Variants in ZNF451 observed in about 807,000 individuals in gnomAD.
The protein encoded by ZNF451 is zinc finger protein 451, also known as E3 SUMO-protein ligase ZNF451.
A neutral mutation model predicts 107.1 loss-of-function variants in ZNF451; 80 were observed. The observed-to-expected ratio is 0.75, with a 90% CI of 0.62 to 0.90. ZNF451 has a LOEUF of 0.90. Among genes scored for constraint, ZNF451 ranks in the 40% least tolerant of loss-of-function variants. The probability of loss-of-function intolerance (pLI) is 0.00; values close to 1 mark genes in which losing one functional copy is unlikely to be tolerated. For missense variants in ZNF451, 1,107 were observed against 1,236.2 expected (o/e 0.90, Z 1.57); for synonymous variants, 362 against 406.5 (o/e 0.89, Z 1.32).
intron 13 of ZNF451, among the ~76,000 whole-genome samples, chr6:57,156,579 C>A (rs1763433790): frequency 6.6e-6 from 1 of 152,106 alleles, no homozygotes; most frequent in Non-Finnish European, 1.5e-5. Context: ...GGTCACTGGA[C>A]CTTTTTGAGA....
chr6:57,141,866 G>A, intron 8 of ZNF451, 82 bp from the exon 9 acceptor site: 1 of 1,235,086 alleles, frequency 8.1e-7, no homozygotes, highest in Non-Finnish European at 1.1e-6. Flanking sequence ...TCCAACTAAT[G>A]TTGAGAAGGG....
intron 2 of ZNF451, among the ~76,000 whole-genome samples, chr6:57,096,327 G>A (rs1829310308): frequency 1.3e-5 from 2 of 151,430 alleles, no homozygotes; most frequent in East Asian, 1.9e-4. Context: ...TGGAATTAGA[G>A]GCGCCCACCA....
At chr6:57,159,446 C>T in intron 13 of ZNF451, 1 of 965,670 alleles carries the variant, frequency 1.0e-6, no homozygotes, top group South Asian at 4.8e-5. Flanking sequence ...AACCTGTGGC[C>T]CACGGGCCAC....
At chr6:57,153,592 T>A (rs969299789) in intron 12 of ZNF451, among the ~76,000 whole-genome samples, 5 of 151,996 alleles carry the variant, frequency 3.3e-5, no homozygotes, top group Admixed American at 6.6e-5. Context: ...TTGCATTTTT[T>A]AATAGAGACC....
chr6:57,123,762 A>G (rs1190967679), intron 3 of ZNF451, among the ~76,000 whole-genome samples: 1 of 152,152 alleles, frequency 6.6e-6, no homozygotes, highest in Non-Finnish European at 1.5e-5. Flanking sequence ...ATACCTAAGT[A>G]TTTCATCTGG....
chr6:57,099,497 C>T (rs1165634156), intron 3 of ZNF451: 2 of 716,838 alleles, frequency 2.8e-6, no homozygotes, highest in Admixed American at 4.0e-5. Flanking sequence ...TTCTTTTGTT[C>T]CAGAACCACA....
At chr6:57,135,030 G>A (rs1239766323) in intron 7 of ZNF451, among the ~76,000 whole-genome samples, 160 bp downstream of exon 7, 1 of 152,146 alleles carries the variant, frequency 6.6e-6, no homozygotes, top group Non-Finnish European at 1.5e-5. Context: ...GGGCCATTTA[G>A]TTATTATAGG....
chr6:57,123,951 A>G (rs1830772137), intron 3 of ZNF451, among the ~76,000 whole-genome samples: 1 of 152,194 alleles, frequency 6.6e-6, no homozygotes, highest in Non-Finnish European at 1.5e-5. Flanking sequence ...GGATGCAAAC[A>G]AAGAGTTTTA....
At chr6:57,160,862 C>A in intron 13 of ZNF451, 1 of 392,856 alleles carries the variant, frequency 2.5e-6, no homozygotes. Flanking sequence ...GTGTTATCTC[C>A]ATAGAGATGA....
At chr6:57,140,923 T>G (rs529136320) in intron 7 of ZNF451, among the ~76,000 whole-genome samples, 3 of 152,312 alleles carry the variant, frequency 2.0e-5, no homozygotes, top group South Asian at 2.1e-4. Flanking sequence ...TGTGGAAGAA[T>G]AATAATGCAG....
At chr6:57,104,261 A>G (rs992067515) in intron 3 of ZNF451, 1 of 985,378 alleles carries the variant, frequency 1.0e-6, no homozygotes, top group Non-Finnish European at 1.2e-6. Context: ...TATTGCACCA[A>G]TCAAGCAATC....
intron 14 of ZNF451, among the ~76,000 whole-genome samples, chr6:57,167,172 C>CAT (rs1763935243): frequency 6.6e-6 from 1 of 150,408 alleles, no homozygotes; most frequent in African/African-American, 2.5e-5. Flanking sequence ...GTTGTGATTT[C>CAT]GTATATATAT....
intron 2 of ZNF451, among the ~76,000 whole-genome samples, chr6:57,097,343 A>G (rs980575449): frequency 3.3e-5 from 5 of 152,194 alleles, no homozygotes; most frequent in Non-Finnish European, 5.9e-5. Flanking sequence ...CTGGATGCCT[A>G]TTCTAGGGAA....
At chr6:57,140,336 C>T (rs1388924130) in intron 7 of ZNF451, among the ~76,000 whole-genome samples, 2 of 152,074 alleles carry the variant, frequency 1.3e-5, no homozygotes, top group Admixed American at 6.5e-5. Flanking sequence ...AAGGCCAAGG[C>T]GGGTGGATCA....
At chr6:57,144,441 A>T (rs371525507) in intron 9 of ZNF451, among the ~76,000 whole-genome samples, 1 of 151,648 alleles carries the variant, frequency 6.6e-6, no homozygotes, top group African/African-American at 2.4e-5. Flanking sequence ...GGGTTTCACC[A>T]TGTTGGCCAG....
At chr6:57,101,814 C>T (rs1191610225) in intron 3 of ZNF451, 6 of 1,550,452 alleles carry the variant, frequency 3.9e-6, no homozygotes, top group Non-Finnish European at 5.2e-6. Context: ...TTACATCTCT[C>T]ACTAAGAAAA....
chr6:57,151,662 C>T (rs2127982097), intron 11 of ZNF451, among the ~76,000 whole-genome samples: 1 of 152,284 alleles, frequency 6.6e-6, no homozygotes. Context: ...TTCATCCTTG[C>T]TGTTCTTAAG....
At chr6:57,109,650 A>G in intron 3 of ZNF451, 1 of 985,302 alleles carries the variant, frequency 1.0e-6, no homozygotes, top group South Asian at 4.7e-5. Context: ...CCCCTTTATG[A>G]TTTTTTAAGG....
chr6:57,102,867 C>G, intron 3 of ZNF451: 1 of 985,416 alleles, frequency 1.0e-6, no homozygotes, highest in Non-Finnish European at 1.2e-6. Flanking sequence ...CATCACTACT[C>G]ATAAAGCTAC....
Sources: gnomAD v4.1 joint callset for allele counts (sites outside exome capture counted in the v4.1 genomes callset) on GRCh38, gnomAD v4.1.1 for gene constraint, MANE v1.5 for transcripts, NCBI Gene and HGNC (gene_info 2026-07-23, HGNC 2026-07-21) for gene names.